SEMA4F: variants seen among roughly 807,000 people sequenced by gnomAD.
SEMA4F encodes semaphorin-4F.
A neutral mutation model predicts 78.4 loss-of-function variants in SEMA4F; 51 were observed. The ratio of observed to expected loss-of-function variants is 0.65; its 90% CI spans 0.52 to 0.82. The LOEUF (loss-of-function observed/expected upper bound fraction) is 0.82. Among genes scored for constraint, SEMA4F ranks in the 40% least tolerant of loss-of-function variants. The probability of loss-of-function intolerance (pLI) is 0.00; values close to 1 mark genes in which losing one functional copy is unlikely to be tolerated. For missense variants in SEMA4F, 938 were observed against 1,014.4 expected (o/e 0.92, Z 1.02); for synonymous variants, 418 against 408.7 (o/e 1.02, Z -0.27).
chr2:74,685,950 CAG>C (rs1191186142), downstream of SEMA4F, among the ~76,000 whole-genome samples: 1 of 152,054 alleles, frequency 6.6e-6, no homozygotes, highest in African/African-American at 2.4e-5. Flanking sequence ...CCAACAGACA[CAG>C]GAAAAAATGC....
At position 74,673,462 on chromosome 2, in the gene SEMA4F, G is replaced by T. The variant is rs772525461; in HGVS notation, c.556G>T (p.Val186Phe). Residue 186 changes from valine to phenylalanine, a missense_variant, in exon 6 of 14, where the codon GTC becomes TTC. Physicochemically the swap from Val to Phe is conservative, Grantham distance 50. Coordinates refer to ENST00000357877, the MANE Select transcript of SEMA4F (RefSeq NM_004263.5). Reference sequence around the variant, plus strand: ...TCCTCCCTGTCGCCCTGCAGGGGGGGTCCTCTATGCTGCCACTGTGAAAAA... The same window carrying T: ...TCCTCCCTGTCGCCCTGCAGGGGGGTTCCTCTATGCTGCCACTGTGAAAAA... The part of the protein sequence containing the change: ...QRSAAVMAGG[V>F]LYAATVKNYL... 3.1e-6 allele frequency: 5 copies of T among 1,614,072 alleles called. No individual in the cohort carries two copies. Among genetic ancestry groups the T allele is most frequent in the African/African-American group, 1.3e-5 (1 of 75,026 alleles).
At chr2:74,668,929 C>CAAAA (rs1308342967) in intron 5 of SEMA4F, among the ~76,000 whole-genome samples, 1 of 55,638 alleles carries the variant, frequency 1.8e-5, no homozygotes, top group African/African-American at 6.9e-5. Context: ...CAAGCGTGGC[C>CAAAA]AAAAAAAAAA....
chr2:74,670,098 A>G (rs1429039322), intron 5 of SEMA4F, among the ~76,000 whole-genome samples: 1 of 152,136 alleles, frequency 6.6e-6, no homozygotes, highest in Non-Finnish European at 1.5e-5. Context: ...TCTTTTGCCA[A>G]TGGCGGATGT....
At position 74,674,875 on chromosome 2, in the gene SEMA4F, C is replaced by T. The variant is rs182897833; in HGVS notation, c.1002-13C>T. On this transcript the variant is annotated splice_polypyrimidine_tract_variant and intron_variant, in intron 8 of 13. Transcript: ENST00000357877. The stretch of plus-strand genomic sequence containing the variant: ...ACCCCTCCATATATCCAGCTCCAAC[C>T]TGTGAATTCCAGGGAGGGGGCTACT... 588 of 1,613,544 alleles carry T rather than the reference C, an allele frequency of 3.6e-4. 2 individuals carry two copies. The African/African-American group carries it at 7.0e-3, about 19-fold the overall frequency.
downstream of SEMA4F, among the ~76,000 whole-genome samples, chr2:74,688,047 T>G (rs1191380456): frequency 6.6e-6 from 1 of 152,132 alleles, no homozygotes; most frequent in Non-Finnish European, 1.5e-5. Flanking sequence ...TACATCAAAC[T>G]CAATCTCAGA....
chr2:74,707,860 G>A, the SEMA4F span, among the ~76,000 whole-genome samples: 1 of 152,132 alleles, frequency 6.6e-6, no homozygotes, highest in South Asian at 2.1e-4. Flanking sequence ...GGAGAGGAGA[G>A]AGGTGCACAG....
At chr2:74,686,750 C>A (rs986014693), downstream of SEMA4F, among the ~76,000 whole-genome samples, 1 of 152,028 alleles carries the variant, frequency 6.6e-6, no homozygotes, top group African/African-American at 2.4e-5. Context: ...AGCTGGAAAC[C>A]ATCATTCTGA....
the SEMA4F span, among the ~76,000 whole-genome samples, chr2:74,699,786 T>C: frequency 1.3e-5 from 2 of 152,156 alleles, no homozygotes; most frequent in Non-Finnish European, 2.9e-5. Flanking sequence ...AAAATAGGGA[T>C]AGCAGTGATG....
chr2:74,697,678 A>G, the SEMA4F span, among the ~76,000 whole-genome samples: 8 of 152,142 alleles, frequency 5.3e-5, no homozygotes, highest in African/African-American at 1.9e-4. Flanking sequence ...CAGCACATTG[A>G]AGGCCTCTCC....
chr2:74,666,440 G>A (rs537939478), intron 5 of SEMA4F, among the ~76,000 whole-genome samples: 7 of 151,534 alleles, frequency 4.6e-5, no homozygotes, highest in Admixed American at 1.3e-4. Context: ...AAAATTCAGG[G>A]TTGCCTTTCA....
At chr2:74,671,613 A>G (rs1684994709) in intron 5 of SEMA4F, among the ~76,000 whole-genome samples, 1 of 152,184 alleles carries the variant, frequency 6.6e-6, no homozygotes, top group South Asian at 2.1e-4. Flanking sequence ...TGACTTAAGC[A>G]TGAAGTGTGA....
chr2:74,703,581 C>T, the SEMA4F span, among the ~76,000 whole-genome samples: 1 of 152,170 alleles, frequency 6.6e-6, no homozygotes, highest in Non-Finnish European at 1.5e-5. Context: ...TGGCCTTTTC[C>T]AGGAAGAGGC....
At chr2:74,665,360 G>T (rs898822677) in intron 5 of SEMA4F, among the ~76,000 whole-genome samples, 1 of 151,252 alleles carries the variant, frequency 6.6e-6, no homozygotes, top group Non-Finnish European at 1.5e-5. Flanking sequence ...CTCCCGAGTA[G>T]CTGGGACTAC....
chr2:74,703,310 A>C, the SEMA4F span, among the ~76,000 whole-genome samples: 49 of 152,232 alleles, frequency 3.2e-4, no homozygotes, highest in African/African-American at 1.1e-3. Context: ...CAGGATTCAC[A>C]TGCCAATTTT....
the SEMA4F span, among the ~76,000 whole-genome samples, chr2:74,699,870 C>T: frequency 6.6e-6 from 1 of 152,074 alleles, no homozygotes; most frequent in East Asian, 1.9e-4. Context: ...GAACATAGGG[C>T]TGAGGAGAGA....
intron 5 of SEMA4F, among the ~76,000 whole-genome samples, chr2:74,672,538 A>G (rs1424012210): frequency 2.0e-5 from 3 of 152,042 alleles, no homozygotes; most frequent in Non-Finnish European, 4.4e-5. Context: ...TGTGATACTC[A>G]ACACACCTCC....
At chr2:74,697,164 T>G in the SEMA4F span, among the ~76,000 whole-genome samples, 1 of 152,276 alleles carries the variant, frequency 6.6e-6, no homozygotes, top group Non-Finnish European at 1.5e-5. Context: ...GCTGGAGATC[T>G]GTCTTCCCAG....
chr2:74,657,733 T>TTA, intron 3 of SEMA4F, 109 bp downstream of exon 3: 1 of 1,388,308 alleles, frequency 7.2e-7, no homozygotes, highest in South Asian at 1.2e-5. Flanking sequence ...GCAGAGACTC[T>TTA]AACACCATGC....
chr2:74,667,245 C>A (rs1203685758), intron 5 of SEMA4F, among the ~76,000 whole-genome samples: 2 of 152,130 alleles, frequency 1.3e-5, no homozygotes, highest in Admixed American at 1.3e-4. Flanking sequence ...AAACATAATG[C>A]TGCAGCAGGA....
Sources: allele counts gnomAD v4.1 joint callset (sites outside exome capture counted in the v4.1 genomes callset), GRCh38; gene constraint gnomAD v4.1.1; transcripts MANE v1.5; gene names NCBI Gene and HGNC (gene_info 2026-07-23, HGNC 2026-07-21).